ANGPT1: variants seen among roughly 807,000 people sequenced by gnomAD.
ANGPT1 encodes the protein angiopoietin 1, also known as angiopoietin-1.
Under a neutral mutation model 62.2 loss-of-function variants are expected in ANGPT1, and 17 were observed. The observed-to-expected ratio is 0.27, with a 90% CI of 0.19 to 0.41. The LOEUF (loss-of-function observed/expected upper bound fraction) is 0.41, where lower values mean the gene tolerates loss of function less well. Among genes scored for constraint, ANGPT1 ranks in the 10% least tolerant of loss-of-function variants. The pLI, the probability that ANGPT1 is intolerant of heterozygous loss-of-function variation, is 1.00. For missense variants in ANGPT1, 478 were observed against 594.9 expected, an observed-to-expected ratio of 0.80 and a Z score of 2.04; for synonymous variants, 199 against 198.9, an observed-to-expected ratio of 1.00 and a Z score of 0.00.
At chr8:107,295,372 A>G (rs1814387715) in intron 5 of ANGPT1, 2 of 151,968 alleles carry the variant, frequency 1.3e-5, no homozygotes, top group South Asian at 2.1e-4. Flanking sequence ...CTCAGTCAAC[A>G]TAACCTCGAG....
intron 1 of ANGPT1, among the ~76,000 whole-genome samples, chr8:107,381,408 C>T (rs1339432663): frequency 6.6e-6 from 1 of 152,154 alleles, no homozygotes; most frequent in Non-Finnish European, 1.5e-5. Context: ...TCCAGAGGGT[C>T]CCAAGAACCA....
intron 4 of ANGPT1, among the ~76,000 whole-genome samples, chr8:107,311,580 T>C (rs985219105): frequency 9.8e-5 from 15 of 152,354 alleles, no homozygotes; most frequent in Admixed American, 5.9e-4. Context: ...CAAAGCATCC[T>C]ATGTCATAAG....
intron 1 of ANGPT1, among the ~76,000 whole-genome samples, chr8:107,450,226 CATAG>C (rs1330363645): frequency 2.6e-5 from 4 of 152,008 alleles, no homozygotes; most frequent in Non-Finnish European, 5.9e-5. Flanking sequence ...AAGCCATTGT[CATAG>C]ATAAACTATT....
intron 1 of ANGPT1, among the ~76,000 whole-genome samples, chr8:107,428,427 T>A (rs1257323530): frequency 6.6e-6 from 1 of 152,158 alleles, no homozygotes; most frequent in East Asian, 1.9e-4. Flanking sequence ...AAGTGCAATA[T>A]CCTATCCTAA....
In ANGPT1 at chr8:107,284,675, G is replaced by C. The variant is rs1396754194; in HGVS notation, c.1205+7C>G. 6.4e-7 allele frequency: 1 copy of C among 1,565,498 alleles called. No individual in the cohort carries two copies. ...GTAGTCGAACACTACACTGTAGCAT[G>C]ACTTACCTATAGTTTTGCTTTTCAT... On this transcript the variant is annotated splice_region_variant and intron_variant, in intron 7 of 8. Coordinates refer to ENST00000517746, the MANE Select transcript of ANGPT1 (RefSeq NM_001146.5).
At position 107,418,284 on chromosome 8, in the gene ANGPT1, G is replaced by A. The variant is rs578186394; in HGVS notation, c.298-71187C>T. On this transcript the variant is annotated intron_variant, in intron 1 of 8. Transcript: ENST00000517746. ...CATTTTACCATTTTCCATGACAACT[G>A]TATTTAGCTGAGTACGATATAAGCT... is the stretch of plus-strand genomic sequence containing the variant. Among the ~76,000 whole-genome samples the A allele has an allele frequency of 3.0e-3, 464 of 152,208 alleles. 2 individuals are homozygous for A. Among genetic ancestry groups the A allele is most frequent in the African/African-American group, 0.01 (434 of 41,526 alleles).
intron 1 of ANGPT1, among the ~76,000 whole-genome samples, chr8:107,392,328 T>C (rs1205589286): frequency 1.3e-5 from 2 of 152,190 alleles, no homozygotes; most frequent in Admixed American, 1.3e-4. Context: ...TTAGAATATG[T>C]CTTTTCCCAT....
chr8:107,335,102 G>A (rs999967246), intron 3 of ANGPT1, among the ~76,000 whole-genome samples: 6 of 152,134 alleles, frequency 3.9e-5, no homozygotes, highest in African/African-American at 1.4e-4. Flanking sequence ...ATATGAAGAG[G>A]CCATGTGTTA....
At chr8:107,263,704 T>C (rs1210794135) in intron 8 of ANGPT1, among the ~76,000 whole-genome samples, 1 of 152,200 alleles carries the variant, frequency 6.6e-6, no homozygotes, top group African/African-American at 2.4e-5. Flanking sequence ...GTATCTCCTA[T>C]ACTAGCTAAA....
intron 4 of ANGPT1, among the ~76,000 whole-genome samples, chr8:107,318,216 T>C (rs556989649): frequency 6.6e-6 from 1 of 152,270 alleles, no homozygotes; most frequent in East Asian, 1.9e-4. Flanking sequence ...CCTTACAAAG[T>C]GGATGCAATT....
At chr8:107,485,029 T>C (rs1009727541) in intron 1 of ANGPT1, among the ~76,000 whole-genome samples, 1 of 152,184 alleles carries the variant, frequency 6.6e-6, no homozygotes, top group East Asian at 1.9e-4. Context: ...AATTGTACTC[T>C]ATAACTTAAT....
At chr8:107,300,087 A>T (rs537068145) in intron 5 of ANGPT1, among the ~76,000 whole-genome samples, 188 of 138,980 alleles carry the variant, frequency 1.4e-3, no homozygotes, top group Non-Finnish European at 2.3e-3. Flanking sequence ...ATCTATAGAG[A>T]TCTATATATA....
intron 1 of ANGPT1, among the ~76,000 whole-genome samples, chr8:107,475,357 TG>T (rs1441819107): frequency 6.6e-6 from 1 of 152,148 alleles, no homozygotes; most frequent in Non-Finnish European, 1.5e-5. Flanking sequence ...ATTTAATAAA[TG>T]GTGCTGGGAA....
At chr8:107,286,342 CTT>C (rs1027761755) in intron 6 of ANGPT1, among the ~76,000 whole-genome samples, 7 of 151,982 alleles carry the variant, frequency 4.6e-5, no homozygotes, top group African/African-American at 1.7e-4. Flanking sequence ...ATTAGTAAAA[CTT>C]TTTTTAAAAT....
At chr8:107,363,201 A>G (rs1225909472) in intron 1 of ANGPT1, among the ~76,000 whole-genome samples, 1 of 151,976 alleles carries the variant, frequency 6.6e-6, no homozygotes, top group Non-Finnish European at 1.5e-5. Flanking sequence ...TACCTGTCCT[A>G]AACATCTCAA....
chr8:107,357,323 A>G (rs1006844544), intron 1 of ANGPT1, among the ~76,000 whole-genome samples: 3 of 152,226 alleles, frequency 2.0e-5, no homozygotes, highest in African/African-American at 7.2e-5. Context: ...CATTGTTTTT[A>G]TAACAATAAA....
At chr8:107,471,634 A>C (rs1812361248) in intron 1 of ANGPT1, among the ~76,000 whole-genome samples, 1 of 152,082 alleles carries the variant, frequency 6.6e-6, no homozygotes, top group African/African-American at 2.4e-5. Flanking sequence ...TTTCAGTATG[A>C]TTTTAAAGCA....
intron 8 of ANGPT1, among the ~76,000 whole-genome samples, chr8:107,260,568 C>A (rs1037915462): frequency 6.6e-6 from 1 of 152,044 alleles, no homozygotes; most frequent in Non-Finnish European, 1.5e-5. Context: ...TGGGGAGTAA[C>A]TAAGTAGGAC....
chr8:107,474,780 T>C (rs1359682812), intron 1 of ANGPT1, among the ~76,000 whole-genome samples: 3 of 152,160 alleles, frequency 2.0e-5, no homozygotes, highest in South Asian at 2.1e-4. Flanking sequence ...AGCATTCTTA[T>C]ACACCAATGG....
Sources: allele counts gnomAD v4.1 joint callset (sites outside exome capture counted in the v4.1 genomes callset), GRCh38; gene constraint gnomAD v4.1.1; transcripts MANE v1.5; gene names NCBI Gene and HGNC (gene_info 2026-07-23, HGNC 2026-07-21).